The following PCDH9 variants were observed in gnomAD, a reference collection of about 807,000 sequenced individuals.
PCDH9 encodes the protein protocadherin 9.
PCDH9 carries 24 observed loss-of-function variants against 70.6 expected under a neutral mutation model. The observed-to-expected ratio is 0.34, with a 90% CI of 0.25 to 0.48. PCDH9 has a LOEUF of 0.48. Among genes scored for constraint, PCDH9 ranks in the 20% least tolerant of loss-of-function variants. PCDH9 has a pLI of 0.99. For synonymous variants in PCDH9, 562 were observed against 558.5 expected, an observed-to-expected ratio of 1.01 and a Z score of -0.09; for missense variants, 1,281 against 1,503.6, an observed-to-expected ratio of 0.85 and a Z score of 2.45.
At chr13:66,966,356 C>G (rs568902779) in intron 2 of PCDH9, among the ~76,000 whole-genome samples, 42 of 152,040 alleles carry the variant, frequency 2.8e-4, no homozygotes, top group Admixed American at 4.6e-4. Context: ...ACAAGCGATG[C>G]AGTAGAAACT....
intron 3 of PCDH9, among the ~76,000 whole-genome samples, chr13:66,767,064 G>T (rs2079728885): frequency 6.6e-6 from 1 of 151,940 alleles, no homozygotes; most frequent in Non-Finnish European, 1.5e-5. Flanking sequence ...TACATTAACT[G>T]ACTTCTAGGT....
chr13:66,968,786 T>C (rs2083470821), intron 2 of PCDH9, among the ~76,000 whole-genome samples: 1 of 152,062 alleles, frequency 6.6e-6, no homozygotes, highest in Non-Finnish European at 1.5e-5. Context: ...AATTTGATTA[T>C]TTATTATGTT....
At chr13:67,060,753 A>C (rs183337700) in intron 2 of PCDH9, among the ~76,000 whole-genome samples, 1 of 152,190 alleles carries the variant, frequency 6.6e-6, no homozygotes, top group African/African-American at 2.4e-5. Flanking sequence ...CATCAAATTA[A>C]CAAAGACCTA....
chr13:66,950,127 TAAC>T (rs2083154765), intron 2 of PCDH9, among the ~76,000 whole-genome samples: 1 of 152,090 alleles, frequency 6.6e-6, no homozygotes, highest in African/African-American at 2.4e-5. Flanking sequence ...TATATAGTAA[TAAC>T]AAAGAATAAC....
At position 67,145,760 on chromosome 13, in the gene PCDH9, AT is replaced by A. The variant is rs199941739; in HGVS notation, c.3036+79644del. 3.8e-4 allele frequency among the ~76,000 whole-genome samples: 58 copies of A among 152,066 alleles called. No individual in the cohort carries two copies. In the East Asian group the frequency reaches 9.5e-3, roughly 25 times the overall value. Reference sequence around the variant, plus strand: ...ATTACTCCTAGATGGTTACTGTACTATTTTTTATAGGATATAAAATATACTA... The same window carrying A: ...ATTACTCCTAGATGGTTACTGTACTATTTTTATAGGATATAAAATATACTA... On this transcript the variant is annotated intron_variant, in intron 2 of 4. Transcript: ENST00000377865.
chr13:67,099,446 C>T (rs1041003619), intron 2 of PCDH9, among the ~76,000 whole-genome samples: 5 of 152,072 alleles, frequency 3.3e-5, no homozygotes, highest in East Asian at 1.9e-4. Context: ...TTTTTATTAT[C>T]GGGCCCTATA....
rs535097830 is a variant in PCDH9 at position 66,502,441 on chromosome 13, C to G, written c.3340+128769G>C. On this transcript the variant is annotated intron_variant, in intron 4 of 4. Coordinates refer to ENST00000377865, the MANE Select transcript of PCDH9 (RefSeq NM_203487.3). Reference sequence around the variant, plus strand: ...GATCAAAATATTTTTTCTTAAAGTTCATTTTATTAGATTTAAAGAAACACA... The same window carrying G: ...GATCAAAATATTTTTTCTTAAAGTTGATTTTATTAGATTTAAAGAAACACA... Among the ~76,000 whole-genome samples the G allele has an allele frequency of 2.6e-5, 4 of 151,968 alleles. No homozygotes were observed. The East Asian group carries it at 5.8e-4, about 22-fold the overall frequency.
intron 2 of PCDH9, among the ~76,000 whole-genome samples, chr13:66,913,739 T>C (rs1258400329): frequency 6.6e-6 from 1 of 152,070 alleles, no homozygotes; most frequent in South Asian, 2.1e-4. Context: ...AATAAATGAT[T>C]AGTTGATCTA....
At chr13:67,011,929 A>G (rs2139842108) in intron 2 of PCDH9, among the ~76,000 whole-genome samples, 1 of 152,066 alleles carries the variant, frequency 6.6e-6, no homozygotes, top group South Asian at 2.1e-4. Flanking sequence ...CAGCAAAAAC[A>G]GCACTCTTCT....
At chr13:67,167,833 A>G (rs2088164861) in intron 2 of PCDH9, among the ~76,000 whole-genome samples, 1 of 152,192 alleles carries the variant, frequency 6.6e-6, no homozygotes, top group Admixed American at 6.5e-5. Context: ...AGTTATACTC[A>G]TAACCCAATA....
At chr13:67,133,850 T>G (rs1490704579) in intron 2 of PCDH9, among the ~76,000 whole-genome samples, 2 of 152,148 alleles carry the variant, frequency 1.3e-5, no homozygotes, top group Non-Finnish European at 2.9e-5. Context: ...TTTCATGCAC[T>G]AATTTAGATT....
At chr13:67,161,061 A>G (rs2087945114) in intron 2 of PCDH9, among the ~76,000 whole-genome samples, 2 of 152,252 alleles carry the variant, frequency 1.3e-5, no homozygotes, top group Admixed American at 1.3e-4. Context: ...GGTGCTTTTC[A>G]TCACACTTCC....
intron 4 of PCDH9, among the ~76,000 whole-genome samples, chr13:66,388,623 G>T (rs1956969690): frequency 6.6e-6 from 1 of 152,112 alleles, no homozygotes; most frequent in Non-Finnish European, 1.5e-5. Context: ...TGATCCAAGT[G>T]ATGCGATTTA....
At chr13:67,136,686 A>T (rs1223742257) in intron 2 of PCDH9, among the ~76,000 whole-genome samples, 1 of 152,150 alleles carries the variant, frequency 6.6e-6, no homozygotes, top group Non-Finnish European at 1.5e-5. Flanking sequence ...TGTCTGAATC[A>T]ATCACTTGGA....
At chr13:66,307,254 G>A (rs1955484963) in intron 4 of PCDH9, among the ~76,000 whole-genome samples, 1 of 151,476 alleles carries the variant, frequency 6.6e-6, no homozygotes, top group Non-Finnish European at 1.5e-5. Flanking sequence ...AAAATTGATG[G>A]AAAAAAAATG....
At chr13:66,841,351 C>A (rs1303138136) in intron 3 of PCDH9, among the ~76,000 whole-genome samples, 1 of 152,046 alleles carries the variant, frequency 6.6e-6, no homozygotes, top group Non-Finnish European at 1.5e-5. Flanking sequence ...ATGTGATTTC[C>A]CCCCACGCTT....
intron 2 of PCDH9, among the ~76,000 whole-genome samples, chr13:67,151,593 C>T (rs927249597): frequency 3.3e-5 from 5 of 152,062 alleles, no homozygotes; most frequent in African/African-American, 9.7e-5. Flanking sequence ...GTTAGAAGAT[C>T]CTGTATGATT....
intron 2 of PCDH9, among the ~76,000 whole-genome samples, chr13:67,044,588 C>T (rs999272410): frequency 6.6e-6 from 1 of 152,108 alleles, no homozygotes; most frequent in Non-Finnish European, 1.5e-5. Context: ...AAAAACAAGT[C>T]TAATTCTTTC....
intron 3 of PCDH9, among the ~76,000 whole-genome samples, chr13:66,645,033 G>A (rs1474358316): frequency 6.6e-6 from 1 of 152,046 alleles, no homozygotes; most frequent in East Asian, 1.9e-4. Context: ...CGTACTGTCT[G>A]TAGAAGGCAT....
Sources: allele counts gnomAD v4.1 joint callset (sites outside exome capture counted in the v4.1 genomes callset), GRCh38; gene constraint gnomAD v4.1.1; transcripts MANE v1.5; gene names NCBI Gene and HGNC (gene_info 2026-07-23, HGNC 2026-07-21).